NEURL1: variants seen among roughly 807,000 people sequenced by gnomAD.
The protein encoded by NEURL1 is neuralized E3 ubiquitin protein ligase 1.
A neutral mutation model predicts 41.2 loss-of-function variants in NEURL1; 26 were observed. That is an observed-to-expected ratio of 0.63 (90% confidence interval 0.46 to 0.87). The LOEUF is 0.87. Among genes scored for constraint, NEURL1 ranks in the 40% least tolerant of loss-of-function variants. NEURL1 has a pLI of 0.00. For synonymous variants in NEURL1, 400 were observed against 402.3 expected, an observed-to-expected ratio of 0.99 and a Z score of 0.07; for missense variants, 761 against 871.1, an observed-to-expected ratio of 0.87 and a Z score of 1.59.
intron 1 of NEURL1, among the ~76,000 whole-genome samples, chr10:103,519,877 G>A (rs189354142): frequency 2.6e-5 from 4 of 151,136 alleles, no homozygotes; most frequent in Admixed American, 1.3e-4. Context: ...TTGACCCCCC[G>A]GGGCTCAAGC....
intron 3 of NEURL1, among the ~76,000 whole-genome samples, chr10:103,573,485 T>C (rs1077016): frequency 0.32 from 48,070 of 151,956 alleles, 7,777 homozygotes; most frequent in East Asian, 0.45. Context: ...GGCTGTCATT[T>C]GTCCCCACCC....
chr10:103,538,958 T>C (rs1241233610), intron 1 of NEURL1, among the ~76,000 whole-genome samples: 4 of 136,846 alleles, frequency 2.9e-5, no homozygotes, highest in Admixed American at 2.9e-4. Flanking sequence ...TTTTTTTTTT[T>C]CTTTTTCAGA....
At chr10:103,574,735 C>T (rs916913936) in intron 3 of NEURL1, among the ~76,000 whole-genome samples, 7 of 152,208 alleles carry the variant, frequency 4.6e-5, no homozygotes, top group Non-Finnish European at 1.0e-4. Context: ...AGGGCCCATC[C>T]TGGGCCAGAG....
At position 103,564,785 on chromosome 10, in the gene NEURL1, C is replaced by T. The variant is rs1051768286; in HGVS notation, c.86-6087C>T. Among the ~76,000 whole-genome samples the T allele has an allele frequency of 3.9e-5, 6 of 152,320 alleles. No individual in the cohort carries two copies. The East Asian group carries it at 1.2e-3, about 29-fold the overall frequency. ...GGGAAGCCCCACCTCCAGCTGTCCC[C>T]TCTGGACCCTTGGCATCAGAGCTAT... On this transcript the variant is annotated intron_variant, in intron 1 of 5. Coordinates refer to ENST00000369780, the MANE Select transcript of NEURL1 (RefSeq NM_004210.5).
rs552086708 is a variant in NEURL1 at position 103,533,221 on chromosome 10, C to T, written c.86-37651C>T. ...GGATTACAAGCTTGAGCCACTGTGCCTGGCCCTTCTCTTCTCCTTTTAAAA... is the reference window on the plus strand; with the variant it reads ...GGATTACAAGCTTGAGCCACTGTGCTTGGCCCTTCTCTTCTCCTTTTAAAA... On this transcript the variant is annotated intron_variant, in intron 1 of 5. Coordinates refer to ENST00000369780, the MANE Select transcript of NEURL1 (RefSeq NM_004210.5). Among the ~76,000 whole-genome samples the T allele has an allele frequency of 1.1e-4, 17 of 152,010 alleles. No individual in the cohort carries two copies. The South Asian group carries it at 3.5e-3, about 32-fold the overall frequency.
Position 103,584,973 on chromosome 10 carries a change from G to A in NEURL1, c.1087G>A (p.Gly363Ser), listed in dbSNP as rs1336497069. The stretch of plus-strand genomic sequence containing the variant: ...GTTCGGCGTCACCACGTGCGACCCC[G>A]GCACGCTGCGGCCGGCCGACCTGCC... The part of the protein sequence containing the change: ...LSFGVTTCDP[G>S]TLRPADLPFS... Residue 363 changes from glycine to serine, a missense_variant, in exon 4 of 6, where the codon GGC (glycine) becomes AGC (serine). Physicochemically the swap from Gly to Ser is moderately conservative, Grantham distance 56. Around this residue, in one of 5 missense-constraint regions of NEURL1, gnomAD observed 443 missense variants for 408.1 expected, o/e 1.09. Transcript: ENST00000369780. 2.0e-6 allele frequency: 3 copies of A among 1,527,622 alleles called. No homozygotes were observed. The highest frequency in any genetic ancestry group is 2.0e-5 in the Admixed American group (1 of 50,334). The allele number at this position is 1,527,622 out of a possible 1,614,324, so 94.6% of individuals were successfully genotyped here.
Position 103,494,152 on chromosome 10 carries a change from A to C in NEURL1, c.-236A>C. 1.4e-4 allele frequency: 60 copies of C among 430,938 alleles called. No homozygotes were observed. Among genetic ancestry groups the C allele is most frequent in the East Asian group, 4.9e-4 (11 of 22,356 alleles). 26.7% of individuals were successfully genotyped at this position (430,938 alleles called of 1,614,324 possible). On this transcript the variant is annotated 5_prime_UTR_variant, in exon 1 of 6. It removes an upstream start codon present in the reference 5' UTR. Coordinates refer to ENST00000369780, the MANE Select transcript of NEURL1 (RefSeq NM_004210.5). ...GTGGCCCCCGCTCCCGCCACGGGGC[A>C]TGGGAGGCAGGTAGCCCAGCCTGCG...
rs2035424662 is a variant in NEURL1, at chr10:103,566,371, C to T, written c.86-4501C>T. Among the ~76,000 whole-genome samples the T allele has an allele frequency of 6.6e-6, 1 of 152,208 alleles. No individual in the cohort carries two copies. The highest frequency in any genetic ancestry group is 2.1e-4 in the South Asian group (1 of 4,828). ...TTCCTGCCTCTTTGTAGTCAAATCT[C>T]TCCCCTACTCTCCTTCTCTGATACC... On this transcript the variant is annotated intron_variant, in intron 1 of 5. Coordinates refer to ENST00000369780, the MANE Select transcript of NEURL1 (RefSeq NM_004210.5). The surrounding 1 kb of genome is among the most constrained non-coding windows in gnomAD (Gnocchi z 4.2).
chr10:103,502,348 G>C (rs2033844418), intron 1 of NEURL1, among the ~76,000 whole-genome samples: 1 of 152,208 alleles, frequency 6.6e-6, no homozygotes, highest in African/African-American at 2.4e-5. Flanking sequence ...CTGGAGGCTG[G>C]AAGTCTGAGA....
chr10:103,532,965 C>T (rs1330537523), intron 1 of NEURL1, among the ~76,000 whole-genome samples: 9 of 117,536 alleles, frequency 7.7e-5, no homozygotes, highest in African/African-American at 1.3e-4. Context: ...CTTGCTCTGT[C>T]ACCTAGGCTG....
Position 103,556,730 on chromosome 10 carries a change from G to A in NEURL1, c.86-14142G>A, listed in dbSNP as rs1225715383. The stretch of plus-strand genomic sequence containing the variant: ...GAAGGCCCTGGAAGACACATAATCC[G>A]GAGCCAGGCCAGGGGCACTGCCAGT... On this transcript the variant is annotated intron_variant, in intron 1 of 5. Transcript: ENST00000369780. The surrounding 1 kb of genome is among the most constrained non-coding windows in gnomAD (Gnocchi z 4.4). Among the ~76,000 whole-genome samples the A allele has an allele frequency of 2.0e-5, 3 of 152,234 alleles. No individual in the cohort carries two copies. Among genetic ancestry groups the A allele is most frequent in the Non-Finnish European group, 4.4e-5 (3 of 68,034 alleles).
At chr10:103,514,384 C>G (rs1280800657) in intron 1 of NEURL1, among the ~76,000 whole-genome samples, 1 of 152,126 alleles carries the variant, frequency 6.6e-6, no homozygotes, top group African/African-American at 2.4e-5. Flanking sequence ...TGGACCGCGT[C>G]CCCGGGCTGG....
In NEURL1 at chr10:103,558,284, T is replaced by G. The variant is rs926259725; in HGVS notation, c.86-12588T>G. On this transcript the variant is annotated intron_variant, in intron 1 of 5. Coordinates refer to ENST00000369780, the MANE Select transcript of NEURL1 (RefSeq NM_004210.5). This position sits in a 1 kb window ranked among gnomAD's most constrained non-coding sequence, Gnocchi z 4.2. ...GGAGGGTGACAGGAGGACCCAGGAC[T>G]CTGTATGTGTGTCGGGGGTCATCTA... 3.1e-6 allele frequency: 3 copies of G among 979,472 alleles called. No individual in the cohort carries two copies. Among genetic ancestry groups the G allele is most frequent in the Admixed American group, 6.2e-5 (1 of 16,242 alleles). The allele number at this position is 979,472 out of a possible 1,614,324, so 60.7% of individuals were successfully genotyped here.
intron 1 of NEURL1, among the ~76,000 whole-genome samples, chr10:103,516,259 A>G (rs547804468): frequency 1.3e-5 from 2 of 151,078 alleles, no homozygotes; most frequent in Admixed American, 1.3e-4. Flanking sequence ...AGAAAAAAAT[A>G]AAAGGTTGTG....
chr10:103,557,230 C>A (rs1467807783), intron 1 of NEURL1, among the ~76,000 whole-genome samples: 1 of 152,002 alleles, frequency 6.6e-6, no homozygotes, highest in African/African-American at 2.4e-5. Context: ...GAGTTCGAGA[C>A]CAGCCTGGAT....
chr10:103,575,254 C>G (rs2035636708), intron 3 of NEURL1, among the ~76,000 whole-genome samples: 1 of 151,976 alleles, frequency 6.6e-6, no homozygotes, highest in African/African-American at 2.4e-5. Context: ...CCTAGATCCT[C>G]TCACCCTTCT....
chr10:103,584,502 C>T (rs1335997572), intron 3 of NEURL1, 34 bp from the exon 4 acceptor site: 4 of 1,294,348 alleles, frequency 3.1e-6, no homozygotes, highest in Non-Finnish European at 3.9e-6. Context: ...CTCCCGAGAG[C>T]CCTGCGTGAC....
rs531428586 is a variant in NEURL1 at position 103,586,599 on chromosome 10, G to A, written c.1339+1374G>A. Reference sequence around the variant, plus strand: ...GAGGTAGTTACTCTATGAGATTGGCGTACTGTGTATAGGCACATGTGAGTA... The same window carrying A: ...GAGGTAGTTACTCTATGAGATTGGCATACTGTGTATAGGCACATGTGAGTA... On this transcript the variant is annotated intron_variant, in intron 4 of 5. Transcript: ENST00000369780. Among the ~76,000 whole-genome samples the A allele has an allele frequency of 7.2e-5, 11 of 152,266 alleles. 1 individual carries two copies. The highest frequency in any genetic ancestry group is 6.2e-4 in the South Asian group (3 of 4,824).
intron 3 of NEURL1, among the ~76,000 whole-genome samples, chr10:103,583,155 C>T (rs1362969678): frequency 6.6e-6 from 1 of 152,072 alleles, no homozygotes; most frequent in Admixed American, 6.5e-5. Flanking sequence ...GAGAGGTGTT[C>T]AGATGCTGGG....
Sources: allele counts gnomAD v4.1 joint callset (sites outside exome capture counted in the v4.1 genomes callset), GRCh38; gene constraint gnomAD v4.1.1; regional missense constraint gnomAD v4.1.1; non-coding constraint Gnocchi (gnomAD v3.1); transcripts MANE v1.5; gene names NCBI Gene and HGNC (gene_info 2026-07-23, HGNC 2026-07-21).